The following GRB14 variants were observed in gnomAD, a reference collection of about 807,000 sequenced individuals.
GRB14 encodes growth factor receptor bound protein 14.
Under a neutral mutation model 69.1 loss-of-function variants are expected in GRB14, and 38 were observed. The observed-to-expected ratio is 0.55, with a 90% CI of 0.42 to 0.72. GRB14 has a LOEUF of 0.72. Ranked by LOEUF, GRB14 falls within the 30% of genes least tolerant of loss-of-function variation. GRB14 has a pLI of 0.00. For missense variants in GRB14, 666 were observed against 666.1 expected, an observed-to-expected ratio of 1.00 and a Z score of 0.00; for synonymous variants, 247 against 241.3, an observed-to-expected ratio of 1.02 and a Z score of -0.22.
chr2:164,538,165 A>C (rs1158067853), intron 3 of GRB14, among the ~76,000 whole-genome samples: 1 of 152,154 alleles, frequency 6.6e-6, no homozygotes, highest in African/African-American at 2.4e-5. Context: ...TGCTTATTAA[A>C]GCCACTCCAC....
At chr2:164,509,571 C>G in intron 6 of GRB14, among the ~76,000 whole-genome samples, 1 of 152,084 alleles carries the variant, frequency 6.6e-6, no homozygotes, top group East Asian at 1.9e-4. Flanking sequence ...TGGAGAAGTG[C>G]TTAATTCTGA....
chr2:164,609,170 T>C (rs1018166137), intron 2 of GRB14, among the ~76,000 whole-genome samples: 10 of 152,216 alleles, frequency 6.6e-5, no homozygotes, highest in African/African-American at 2.4e-4. Context: ...GAAGCACTCA[T>C]TCTCCCAGCT....
chr2:164,561,017 T>C (rs1688814296), intron 2 of GRB14, among the ~76,000 whole-genome samples: 1 of 152,190 alleles, frequency 6.6e-6, no homozygotes, highest in Admixed American at 6.5e-5. Flanking sequence ...ATATTTGGCT[T>C]AGAGTTCTGG....
At chr2:164,533,224 C>CTTTTTT (rs537913705) in intron 3 of GRB14, among the ~76,000 whole-genome samples, 8 of 80,368 alleles carry the variant, frequency 1.0e-4, no homozygotes, top group East Asian at 4.6e-4. Flanking sequence ...GTTTCCAATT[C>CTTTTTT]TTTTTTTTTT....
chr2:164,562,750 T>A (rs144749463), intron 2 of GRB14, among the ~76,000 whole-genome samples: 1 of 152,174 alleles, frequency 6.6e-6, no homozygotes, highest in Non-Finnish European at 1.5e-5. Flanking sequence ...ATCCCCAAGA[T>A]AGAGAAACTG....
chr2:164,595,987 G>T (rs1689771867), intron 2 of GRB14, among the ~76,000 whole-genome samples: 1 of 152,118 alleles, frequency 6.6e-6, no homozygotes, highest in Non-Finnish European at 1.5e-5. Flanking sequence ...AGCTGTGCTT[G>T]GTGGCATGCG....
intron 2 of GRB14, among the ~76,000 whole-genome samples, chr2:164,569,505 C>G (rs1182601176): frequency 1.3e-5 from 2 of 152,194 alleles, no homozygotes; most frequent in African/African-American, 4.8e-5. Flanking sequence ...GGGAGAAGAA[C>G]TGGTAATTTC....
chr2:164,608,410 T>A (rs534645104), intron 2 of GRB14, among the ~76,000 whole-genome samples: 17 of 151,396 alleles, frequency 1.1e-4, no homozygotes, highest in African/African-American at 3.9e-4. Context: ...GAAAAAAAAA[T>A]TTAAAACACT....
At chr2:164,578,058 C>A (rs972065967) in intron 2 of GRB14, among the ~76,000 whole-genome samples, 2 of 151,936 alleles carry the variant, frequency 1.3e-5, no homozygotes, top group Non-Finnish European at 2.9e-5. Context: ...CATGGTGAAA[C>A]CCTGTATCTA....
chr2:164,496,939 A>C (rs1220688245), intron 12 of GRB14, 69 bp downstream of exon 12: 4 of 1,211,570 alleles, frequency 3.3e-6, no homozygotes, highest in Non-Finnish European at 4.9e-6. Flanking sequence ...GTGGCTATGG[A>C]ATAAATAATT....
chr2:164,527,088 A>C lies in GRB14; in HGVS notation c.529T>G (p.Trp177Gly). The change falls in exon 4 of 14, where the codon TGG (tryptophan) becomes GGG (glycine). Residue 177 changes from tryptophan to glycine, a missense_variant. By Grantham distance (184) the Trp-to-Gly change is radical. Transcript: ENST00000263915. The part of the protein sequence containing the change: ...HELVIEVLSN[W>G]GIEEENKLYF... ...AGTTTGTTTTCTTCTTCTATCCCCC[A>C]GTTGGATAGCACTTCAATCACCAGT... 1.9e-6 allele frequency: 3 copies of C among 1,579,426 alleles called. No individual in the cohort carries two copies. The highest frequency in any genetic ancestry group is 2.6e-6 in the Non-Finnish European group (3 of 1,152,626).
chr2:164,610,963 G>C (rs1690154991), intron 2 of GRB14, among the ~76,000 whole-genome samples: 1 of 146,830 alleles, frequency 6.8e-6, no homozygotes, highest in Admixed American at 6.8e-5. Context: ...GAAATCTAGA[G>C]AATAAAGAGG....
chr2:164,621,358 G>A lies in GRB14; in HGVS notation c.-49C>T, dbSNP rs574908196. 2.4e-6 allele frequency: 3 copies of A among 1,251,844 alleles called. No homozygotes were observed. The highest frequency in any genetic ancestry group is 3.5e-5 in the Admixed American group (1 of 28,742). The allele number at this position is 1,251,844 out of a possible 1,614,324, so 77.5% of individuals were successfully genotyped here. On this transcript the variant is annotated 5_prime_UTR_variant, in exon 1 of 14. Transcript: ENST00000263915. The surrounding 1 kb of genome is among the most constrained non-coding windows in gnomAD (Gnocchi z 6.0). ...CGTCATGGGAGACTCGGCGCGTGGG[G>A]AGAAGGGGTTTGCGCGGCGGGAGGC...
At chr2:164,532,758 T>C (rs375322817) in intron 3 of GRB14, among the ~76,000 whole-genome samples, 1 of 152,210 alleles carries the variant, frequency 6.6e-6, no homozygotes, top group East Asian at 1.9e-4. Context: ...ATTTCTATTT[T>C]TTAAGCCACC....
At chr2:164,498,572 C>CAGTT (rs1273750280) in intron 9 of GRB14, among the ~76,000 whole-genome samples, 1 of 152,054 alleles carries the variant, frequency 6.6e-6, no homozygotes, top group Non-Finnish European at 1.5e-5. Flanking sequence ...TGGAAAATAA[C>CAGTT]AGTTATTTTC....
chr2:164,584,520 C>T (rs1314907467), intron 2 of GRB14, among the ~76,000 whole-genome samples: 1 of 151,798 alleles, frequency 6.6e-6, no homozygotes, highest in Non-Finnish European at 1.5e-5. Flanking sequence ...AGTTTCATTT[C>T]CTGAACAAAA....
At chr2:164,513,473 G>A (rs758308176) in intron 6 of GRB14, among the ~76,000 whole-genome samples, 4 of 152,208 alleles carry the variant, frequency 2.6e-5, no homozygotes, top group Non-Finnish European at 5.9e-5. Context: ...GAGAGAAAGG[G>A]AGAAGGCCCT....
rs369198024 is a variant in GRB14, at chr2:164,517,862, T to A, written c.816+4118A>T. ...CACCTAATCCTAAGGCACCCAAATT[T>A]ATAAAACAATTTCTACTAGACGTAA... On this transcript the variant is annotated intron_variant, in intron 6 of 13. Transcript: ENST00000263915. Among the ~76,000 whole-genome samples the A allele has an allele frequency of 2.6e-5, 4 of 152,232 alleles. No homozygotes were observed. The East Asian group carries it at 7.7e-4, about 29-fold the overall frequency.
At chr2:164,601,612 T>C (rs973485610) in intron 2 of GRB14, among the ~76,000 whole-genome samples, 16 of 152,290 alleles carry the variant, frequency 1.1e-4, no homozygotes, top group African/African-American at 3.6e-4. Flanking sequence ...CCCTGTGTTT[T>C]TCCATCTGCA....
Sources: gnomAD v4.1 joint callset for allele counts (sites outside exome capture counted in the v4.1 genomes callset) on GRCh38, gnomAD v4.1.1 for gene constraint, Gnocchi (gnomAD v3.1) non-coding constraint, MANE v1.5 for transcripts, NCBI Gene and HGNC (gene_info 2026-07-23, HGNC 2026-07-21) for gene names.